Variants in IFT43 observed in about 807,000 individuals in gnomAD.
IFT43 encodes the protein intraflagellar transport protein 43 homolog.
IFT43 carries 33 observed loss-of-function variants against 32.3 expected under a neutral mutation model. That is an observed-to-expected ratio of 1.02 (90% CI 0.77 to 1.37). IFT43 has a LOEUF of 1.37. Ranked by LOEUF, IFT43 falls within the 40% of genes most tolerant of loss-of-function variation. IFT43 has a pLI of 0.00. For missense variants in IFT43, 274 were observed against 265.9 expected (o/e 1.03, Z -0.21); for synonymous variants, 93 against 98.2 (o/e 0.95, Z 0.31).
At chr14:76,027,801 T>C (rs2036432115) in intron 3 of IFT43, among the ~76,000 whole-genome samples, 1 of 152,030 alleles carries the variant, frequency 6.6e-6, no homozygotes, top group Admixed American at 6.5e-5. Context: ...GGTTTAATAA[T>C]ATTTAATATA....
rs151199374 is a variant in IFT43 at position 76,059,277 on chromosome 14, C to T, written c.249-50C>T. ...AATAAACATTTGGGATGTTCCTTTC[C>T]GTGTTTGAAACTCATTTTTTGCTGT... On this transcript the variant is annotated intron_variant, in intron 4 of 8. Transcript: ENST00000314067. 4.8e-4 allele frequency: 775 copies of T among 1,613,426 alleles called. 8 individuals are homozygous for T. The African/African-American group carries it at 9.0e-3, about 19-fold the overall frequency.
intron 3 of IFT43, among the ~76,000 whole-genome samples, chr14:76,046,828 G>A (rs1014694169): frequency 1.3e-5 from 2 of 152,168 alleles, no homozygotes; most frequent in African/African-American, 4.8e-5. Context: ...ATGAAACTTT[G>A]TTCTGAACCT....
At chr14:76,050,320 A>G (rs1019670070) in intron 3 of IFT43, among the ~76,000 whole-genome samples, 2 of 152,292 alleles carry the variant, frequency 1.3e-5, no homozygotes, top group Admixed American at 6.5e-5. Flanking sequence ...TGGAGCCTTC[A>G]TTAGATCTCT....
At chr14:76,083,330 C>T (rs746063870) in intron 8 of IFT43, 41 bp downstream of exon 8, 8 of 1,608,616 alleles carry the variant, frequency 5.0e-6, no homozygotes, top group African/African-American at 1.3e-5. Flanking sequence ...TCAGCTCTGG[C>T]ATTCCCATAA....
intron 1 of IFT43, chr14:75,986,158 G>T: frequency 7.4e-7 from 1 of 1,353,366 alleles, no homozygotes; most frequent in Non-Finnish European, 9.7e-7. Context: ...AGAACAGATC[G>T]ATCACAGGGT....
intron 2 of IFT43, among the ~76,000 whole-genome samples, chr14:75,996,002 A>T (rs974384872): frequency 6.6e-6 from 1 of 152,164 alleles, no homozygotes; most frequent in African/African-American, 2.4e-5. Context: ...TTGGAAATCA[A>T]CATCTTGAGA....
intron 5 of IFT43, among the ~76,000 whole-genome samples, chr14:76,067,834 T>C (rs989619320): frequency 2.6e-5 from 4 of 152,192 alleles, no homozygotes; most frequent in African/African-American, 9.7e-5. Context: ...AGAGAGGAGA[T>C]GCCTGGCATA....
intron 2 of IFT43, among the ~76,000 whole-genome samples, chr14:76,012,771 T>C (rs2036110977): frequency 6.6e-6 from 1 of 152,238 alleles, no homozygotes; most frequent in African/African-American, 2.4e-5. Flanking sequence ...GACTCTTTCT[T>C]TTTTTAAAAC....
In IFT43 at chr14:76,037,525, C is replaced by A. The variant is rs193162858; in HGVS notation, c.215+15131C>A. Among the ~76,000 whole-genome samples, 3 of 152,188 alleles carry A rather than the reference C, an allele frequency of 2.0e-5. No homozygotes were observed. The East Asian group carries it at 5.8e-4, about 29-fold the overall frequency. On this transcript the variant is annotated intron_variant, in intron 3 of 8. Coordinates refer to ENST00000314067, the MANE Select transcript of IFT43 (RefSeq NM_001102564.3). ...ACCAGCTACTTGGCTGCTTGAAATA[C>A]ATTTTATACTTGTAACCCTACCTTT...
chr14:76,032,717 A>G (rs1048777324), intron 3 of IFT43, among the ~76,000 whole-genome samples: 1 of 152,224 alleles, frequency 6.6e-6, no homozygotes. Flanking sequence ...TTAAACGGTC[A>G]CTTTACTTTC....
intron 1 of IFT43, 110 bp downstream of exon 1, chr14:75,985,950 C>T (rs1268908160): frequency 1.9e-5 from 30 of 1,541,938 alleles, no homozygotes; most frequent in Non-Finnish European, 2.5e-5. Flanking sequence ...CCTCGCGCCG[C>T]GCCGGGTGAG....
chr14:76,059,649 T>A, intron 5 of IFT43: 1 of 468,904 alleles, frequency 2.1e-6, no homozygotes, highest in Non-Finnish European at 3.9e-6. Context: ...CCACTCCCTC[T>A]CTCACTGGAT....
rs574373229 is a variant in IFT43, at chr14:76,038,535, A to G, written c.215+16141A>G. Among the ~76,000 whole-genome samples, 21 of 152,346 alleles carry G rather than the reference A, an allele frequency of 1.4e-4. 1 individual carries two copies. In the South Asian group the frequency reaches 4.1e-3, roughly 30 times the overall value. On this transcript the variant is annotated intron_variant, in intron 3 of 8. Coordinates refer to ENST00000314067, the MANE Select transcript of IFT43 (RefSeq NM_001102564.3). ...TTTGCTTTGCTCTCAGAGCCTGGAC[A>G]GAAAGATGATAGAGGAAGAGCTAGA... is the stretch of plus-strand genomic sequence containing the variant.
chr14:76,002,699 A>G (rs1339614800), intron 2 of IFT43, among the ~76,000 whole-genome samples: 1 of 152,200 alleles, frequency 6.6e-6, no homozygotes, highest in East Asian at 1.9e-4. Flanking sequence ...GGAATGAAGG[A>G]GAGAGGTGGT....
chr14:76,060,029 A>G (rs1292529245), intron 5 of IFT43, among the ~76,000 whole-genome samples: 2 of 152,138 alleles, frequency 1.3e-5, no homozygotes, highest in Non-Finnish European at 2.9e-5. Context: ...CCAGTGTGTG[A>G]CGCATAGTAG....
chr14:76,069,180 C>A (rs566543248), intron 5 of IFT43, among the ~76,000 whole-genome samples: 1 of 152,064 alleles, frequency 6.6e-6, no homozygotes, highest in Non-Finnish European at 1.5e-5. Flanking sequence ...AGGCACGTCA[C>A]GTGGCGAAAG....
chr14:76,031,631 C>A (rs1057429423), intron 3 of IFT43, among the ~76,000 whole-genome samples: 4 of 152,146 alleles, frequency 2.6e-5, no homozygotes, highest in Non-Finnish European at 5.9e-5. Flanking sequence ...TAAGACAAAT[C>A]CTGTCTGCTT....
chr14:75,990,197 A>G (rs2035610050), intron 2 of IFT43, among the ~76,000 whole-genome samples: 1 of 152,244 alleles, frequency 6.6e-6, no homozygotes, highest in African/African-American at 2.4e-5. Flanking sequence ...GCTGTCGAGA[A>G]TACAGGCCCA....
intron 3 of IFT43, among the ~76,000 whole-genome samples, chr14:76,049,806 T>C (rs1403248213): frequency 6.6e-6 from 1 of 150,786 alleles, no homozygotes; most frequent in Non-Finnish European, 1.5e-5. Context: ...CATTGAGGTC[T>C]CTATATGTGG....
Sources: gnomAD v4.1 joint callset for allele counts (sites outside exome capture counted in the v4.1 genomes callset) on GRCh38, gnomAD v4.1.1 for gene constraint, MANE v1.5 for transcripts, NCBI Gene and HGNC (gene_info 2026-07-23, HGNC 2026-07-21) for gene names.